Variants in TMEM131L observed in about 807,000 individuals in gnomAD.
TMEM131L encodes the protein transmembrane protein 131-like.
TMEM131L carries 54 observed loss-of-function variants against 192.2 expected under a neutral mutation model. The ratio of observed to expected loss-of-function variants is 0.28; its 90% CI spans 0.23 to 0.35. The LOEUF (loss-of-function observed/expected upper bound fraction) is 0.35, where lower values mean the gene tolerates loss of function less well. TMEM131L is among the 10% of genes least tolerant of loss of function. TMEM131L has a pLI of 1.00. For synonymous variants in TMEM131L, 701 were observed against 704.9 expected (o/e 0.99, Z 0.09); for missense variants, 1,888 against 1,972.9 (o/e 0.96, Z 0.82).
chr4:153,539,877 G>A (rs1163440905), intron 3 of TMEM131L, among the ~76,000 whole-genome samples: 1 of 151,702 alleles, frequency 6.6e-6, no homozygotes, highest in African/African-American at 2.4e-5. Context: ...ATGGGAGGCC[G>A]AGGCAGGCGG....
chr4:153,567,985 T>C (rs1729336315), intron 7 of TMEM131L, among the ~76,000 whole-genome samples: 1 of 152,256 alleles, frequency 6.6e-6, no homozygotes, highest in South Asian at 2.1e-4. Flanking sequence ...GTTTGATCTT[T>C]TTTACATAAA....
chr4:153,597,588 A>G (rs886815593), intron 20 of TMEM131L, among the ~76,000 whole-genome samples: 7 of 152,192 alleles, frequency 4.6e-5, no homozygotes, highest in East Asian at 1.9e-4. Context: ...TGCTGCTTCT[A>G]TAGTATTTAC....
intron 11 of TMEM131L, among the ~76,000 whole-genome samples, chr4:153,583,895 TA>T (rs1256107980): frequency 3.9e-5 from 6 of 152,368 alleles, no homozygotes; most frequent in Non-Finnish European, 7.3e-5. Context: ...GTTTAAAGCT[TA>T]ATATTCTGTG....
Position 153,620,750 on chromosome 4 carries a change from CT to C in TMEM131L, c.3568-3del. 1 of 1,496,656 alleles carries C rather than the reference CT, an allele frequency of 6.7e-7. No homozygotes were observed. Among genetic ancestry groups the C allele is most frequent in the Non-Finnish European group, 9.1e-7 (1 of 1,099,806 alleles). The allele number at this position is 1,496,656 out of a possible 1,614,324, so 92.7% of individuals were successfully genotyped here. ...AACCATTAAACATTTACTTTCTCTT[CT>C]TTAGCAAGAAGATCCTTATAGGAAG... On this transcript the variant is annotated splice_region_variant and splice_polypyrimidine_tract_variant and intron_variant, in intron 26 of 34. Coordinates refer to ENST00000409959, the MANE Select transcript of TMEM131L (RefSeq NM_001131007.2).
chr4:153,549,265 C>T (rs186557543), intron 3 of TMEM131L, among the ~76,000 whole-genome samples: 4 of 152,270 alleles, frequency 2.6e-5, no homozygotes, highest in Non-Finnish European at 1.5e-5. Flanking sequence ...CCATCTTCAG[C>T]CAAAAAGATT....
intron 3 of TMEM131L, among the ~76,000 whole-genome samples, chr4:153,543,032 C>T (rs1021502849): frequency 2.6e-5 from 4 of 152,206 alleles, no homozygotes; most frequent in African/African-American, 4.8e-5. Flanking sequence ...CTGTTATTAG[C>T]GAGAGCGCCT....
intron 3 of TMEM131L, among the ~76,000 whole-genome samples, chr4:153,549,561 A>T (rs183097009): frequency 1.7e-3 from 262 of 152,346 alleles, no homozygotes; most frequent in African/African-American, 6.1e-3. Flanking sequence ...ATGAAATCAT[A>T]GTGATGATTA....
intron 3 of TMEM131L, among the ~76,000 whole-genome samples, chr4:153,506,855 A>G (rs1297424966): frequency 4.6e-5 from 7 of 151,878 alleles, no homozygotes; most frequent in South Asian, 2.1e-4. Flanking sequence ...AAAAAAAAAA[A>G]AAAAAAGAAG....
chr4:153,521,815 G>A (rs1278843815), intron 3 of TMEM131L, among the ~76,000 whole-genome samples: 1 of 150,104 alleles, frequency 6.7e-6, no homozygotes, highest in Non-Finnish European at 1.5e-5. Context: ...CTTTCATTTA[G>A]CGTAATGTCT....
At chr4:153,621,599 C>T (rs1165947637) in intron 27 of TMEM131L, 84 bp from the exon 28 acceptor site, 1 of 1,409,032 alleles carries the variant, frequency 7.1e-7, no homozygotes, top group Non-Finnish European at 9.8e-7. Flanking sequence ...ATTTTCACCT[C>T]TAATAAGTGT....
At chr4:153,619,455 T>G (rs1367905353) in intron 26 of TMEM131L, among the ~76,000 whole-genome samples, 34 of 152,258 alleles carry the variant, frequency 2.2e-4, no homozygotes, top group Admixed American at 2.2e-3. Flanking sequence ...CTTTGTATGC[T>G]TAACTTGTCA....
At chr4:153,625,228 T>C (rs1733749330) in intron 29 of TMEM131L, among the ~76,000 whole-genome samples, 1 of 151,902 alleles carries the variant, frequency 6.6e-6, no homozygotes, top group Non-Finnish European at 1.5e-5. Flanking sequence ...CTGGCCAACG[T>C]AGCAAAACCC....
rs1285510734 is a variant in TMEM131L, at chr4:153,586,410, A to G, written c.1482+31A>G. ...TTCTACAATACTATATGTGTGTTAC[A>G]GTTTTCTTAATTACTGTTGCTTTTT... On this transcript the variant is annotated intron_variant, in intron 14 of 34. Transcript: ENST00000409959. 3 of 1,493,802 alleles carry G rather than the reference A, an allele frequency of 2.0e-6. No homozygotes were observed. In the African/African-American group the frequency reaches 4.3e-5, roughly 22 times the overall value. 92.5% of individuals were successfully genotyped at this position (1,493,802 alleles called of 1,614,324 possible). A position where few individuals can be genotyped will look rare whatever the true frequency, so the allele number is the denominator to read the frequency against.
chr4:153,617,850 C>T (rs1036636464), intron 26 of TMEM131L, among the ~76,000 whole-genome samples: 10 of 146,810 alleles, frequency 6.8e-5, no homozygotes. Flanking sequence ...ATATTTTAGA[C>T]GAGCTCTTCG....
chr4:153,481,121 A>T (rs930222972), intron 3 of TMEM131L, among the ~76,000 whole-genome samples: 4 of 152,026 alleles, frequency 2.6e-5, no homozygotes, highest in Admixed American at 2.0e-4. Context: ...CTCCAGTCTC[A>T]CTTTCTGATC....
At chr4:153,528,715 C>T (rs1345862397) in intron 3 of TMEM131L, among the ~76,000 whole-genome samples, 3 of 152,058 alleles carry the variant, frequency 2.0e-5, no homozygotes, top group East Asian at 3.8e-4. Flanking sequence ...GCAGGTACAG[C>T]GTATGCCTCT....
intron 21 of TMEM131L, 125 bp from the exon 22 acceptor site, chr4:153,602,026 AT>A (rs1318257348): frequency 7.2e-6 from 4 of 558,388 alleles, no homozygotes; most frequent in African/African-American, 5.8e-5. Flanking sequence ...CTTATGTTGG[AT>A]TTTTTTCGCA....
intron 3 of TMEM131L, among the ~76,000 whole-genome samples, chr4:153,523,269 A>G (rs973654377): frequency 2.6e-5 from 4 of 152,188 alleles, no homozygotes; most frequent in African/African-American, 9.7e-5. Flanking sequence ...GTTGCCTTTT[A>G]AGTGGAAGTA....
At chr4:153,627,147 G>T (rs902112686) in intron 30 of TMEM131L, among the ~76,000 whole-genome samples, 1 of 152,120 alleles carries the variant, frequency 6.6e-6, no homozygotes, top group Non-Finnish European at 1.5e-5. Context: ...TTTATTGGGG[G>T]TAGGTTGTCA....
Sources: gnomAD v4.1 joint callset for allele counts (sites outside exome capture counted in the v4.1 genomes callset) on GRCh38, gnomAD v4.1.1 for gene constraint, MANE v1.5 for transcripts, NCBI Gene and HGNC (gene_info 2026-07-23, HGNC 2026-07-21) for gene names.